Variants in TNRC6A observed in about 807,000 individuals in gnomAD.
TNRC6A encodes the protein trinucleotide repeat-containing gene 6A protein.
TNRC6A carries 44 observed loss-of-function variants against 221.2 expected under a neutral mutation model. The observed-to-expected ratio is 0.20, with a 90% CI of 0.16 to 0.26. The LOEUF (loss-of-function observed/expected upper bound fraction) is 0.26. Ranked by LOEUF, TNRC6A falls within the 10% of genes least tolerant of loss-of-function variation. The pLI is 1.00. For missense variants in TNRC6A, 2,199 were observed against 2,404.4 expected, an observed-to-expected ratio of 0.91 and a Z score of 1.79; for synonymous variants, 847 against 838.5, an observed-to-expected ratio of 1.01 and a Z score of -0.18.
chr16:24,727,859 TAGC>T (rs551494662), upstream of TNRC6A, among the ~76,000 whole-genome samples: 286 of 152,224 alleles, frequency 1.9e-3, no homozygotes, highest in African/African-American at 6.7e-3. Flanking sequence ...TCAGGGATGA[TAGC>T]AGGAAAAGGA....
chr16:24,705,924 T>A (rs746003895), intron 2 of TNRC6A, among the ~76,000 whole-genome samples: 4 of 152,168 alleles, frequency 2.6e-5, no homozygotes, highest in Non-Finnish European at 4.4e-5. Context: ...TATTTGCAGG[T>A]AATATGATTG....
At chr16:24,780,188 A>T (rs781093317) in intron 5 of TNRC6A, among the ~76,000 whole-genome samples, 3 of 152,216 alleles carry the variant, frequency 2.0e-5, no homozygotes, top group Non-Finnish European at 2.9e-5. Flanking sequence ...GAAGACTAAC[A>T]TAGTGAACAC....
chr16:24,616,831 G>C (rs1900379565), intron 1 of TNRC6A, among the ~76,000 whole-genome samples: 1 of 152,134 alleles, frequency 6.6e-6, no homozygotes, highest in Non-Finnish European at 1.5e-5. Context: ...TGAGGCAGGA[G>C]AACCGCTTGA....
intron 2 of TNRC6A, among the ~76,000 whole-genome samples, chr16:24,740,049 C>T (rs1021666209): frequency 2.4e-4 from 36 of 152,176 alleles, no homozygotes; most frequent in Admixed American, 2.4e-3. Context: ...GTTGAAAAGA[C>T]TTTCATCTTG....
At chr16:24,679,434 G>T (rs1462046175) in intron 2 of TNRC6A, among the ~76,000 whole-genome samples, 1 of 152,010 alleles carries the variant, frequency 6.6e-6, no homozygotes. Flanking sequence ...CTACTAAATA[G>T]CTGAGACTAC....
rs2303083 is a variant in TNRC6A at position 24,823,847 on chromosome 16, G to A, written c.*40G>A. On this transcript the variant is annotated 3_prime_UTR_variant, in exon 25 of 25. Coordinates refer to ENST00000395799, the MANE Select transcript of TNRC6A (RefSeq NM_014494.4). This position sits in a 1 kb window ranked among gnomAD's most constrained non-coding sequence, Gnocchi z 4.3. Reference sequence around the variant, plus strand: ...ACTCACCGACCGGGACCTCAGACGCGAGGGAAAGGAGCACTAAGTGGGGCT... The same window carrying A: ...ACTCACCGACCGGGACCTCAGACGCAAGGGAAAGGAGCACTAAGTGGGGCT... 0.18 allele frequency: 240,273 copies of A among 1,365,706 alleles called. 22,452 individuals carry two copies. Among genetic ancestry groups the A allele is most frequent in the Non-Finnish European group, 0.19 (203,744 of 1,054,144 alleles). The allele number at this position is 1,365,706 out of a possible 1,614,324, so 84.6% of individuals were successfully genotyped here.
At chr16:24,704,046 T>C (rs2056041955) in intron 2 of TNRC6A, among the ~76,000 whole-genome samples, 1 of 149,266 alleles carries the variant, frequency 6.7e-6, no homozygotes, top group Non-Finnish European at 1.5e-5. Context: ...TTCACACCAC[T>C]GCACCCAGCC....
In TNRC6A at chr16:24,824,153, T is replaced by C. The variant is rs2058829025; in HGVS notation, c.*346T>C. 2 of 137,448 alleles carry C rather than the reference T, an allele frequency of 1.5e-5. No individual in the cohort carries two copies. The highest frequency in any genetic ancestry group is 3.0e-5 in the African/African-American group (1 of 32,828). The allele number at this position is 137,448 out of a possible 1,614,324, so 8.5% of individuals were successfully genotyped here. On this transcript the variant is annotated 3_prime_UTR_variant, in exon 25 of 25. Transcript: ENST00000395799. ...CCCCCCCCCCGCCCCTTTTTTTCTC[T>C]CTTGCAAAACCATTTTTTGGGCTGA...
At chr16:24,795,960 T>G in intron 9 of TNRC6A, 21 bp downstream of exon 9, 1 of 1,613,208 alleles carries the variant, frequency 6.2e-7, no homozygotes, top group Non-Finnish European at 8.5e-7. Flanking sequence ...TTTTTACTCT[T>G]TCTCCTTTGT....
rs75229466 is a variant in TNRC6A, at chr16:24,769,762, T to G, written c.164-7171T>G. 8.6e-3 allele frequency among the ~76,000 whole-genome samples: 1,305 copies of G among 152,360 alleles called. 22 individuals are homozygous for G. Among genetic ancestry groups the G allele is most frequent in the African/African-American group, 0.03 (1,239 of 41,574 alleles). ...TACTTACTCTTCCTCTTGATCATTC[T>G]TTCTCTTTTCTTTACTGGTTCTTCA... On this transcript the variant is annotated intron_variant, in intron 4 of 24. Coordinates refer to ENST00000395799, the MANE Select transcript of TNRC6A (RefSeq NM_014494.4).
chr16:24,791,936 T>C (rs2058111379), intron 6 of TNRC6A, 119 bp downstream of exon 6: 2 of 1,162,984 alleles, frequency 1.7e-6, no homozygotes, highest in Non-Finnish European at 2.3e-6. Context: ...CAGAAGCAGC[T>C]TGAAAAAAAT....
intron 2 of TNRC6A, among the ~76,000 whole-genome samples, chr16:24,741,479 A>G (rs1050467051): frequency 5.3e-5 from 8 of 152,138 alleles, no homozygotes; most frequent in African/African-American, 1.9e-4. Context: ...GGATAAATCC[A>G]CTTTGTGTAG....
At chr16:24,644,081 ATTTTTTTT>A (rs748251760) in intron 2 of TNRC6A, among the ~76,000 whole-genome samples, 2 of 81,560 alleles carry the variant, frequency 2.5e-5, no homozygotes, top group African/African-American at 5.3e-5. Flanking sequence ...CTTATCTTTA[ATTTTTTTT>A]TTTTTTTTTT....
chr16:24,754,870 G>A (rs1342837197), intron 3 of TNRC6A, among the ~76,000 whole-genome samples: 3 of 152,168 alleles, frequency 2.0e-5, no homozygotes, highest in African/African-American at 7.2e-5. Context: ...TGTGTTAAGA[G>A]CTGAAGGGAT....
intron 2 of TNRC6A, among the ~76,000 whole-genome samples, chr16:24,748,351 T>G (rs1383582998): frequency 6.6e-6 from 1 of 152,182 alleles, no homozygotes; most frequent in Non-Finnish European, 1.5e-5. Context: ...GCTGCTCTCA[T>G]ATGCTGTGGC....
chr16:24,654,589 T>G (rs1902856449), intron 2 of TNRC6A, among the ~76,000 whole-genome samples: 1 of 152,020 alleles, frequency 6.6e-6, no homozygotes, highest in Non-Finnish European at 1.5e-5. Flanking sequence ...GTCTGTGGCA[T>G]GCACCTGTAG....
chr16:24,786,511 T>C (rs530042009), intron 5 of TNRC6A, among the ~76,000 whole-genome samples: 2 of 151,514 alleles, frequency 1.3e-5, no homozygotes, highest in African/African-American at 4.8e-5. Flanking sequence ...AGATGGGCTT[T>C]CTCCGTGTTA....
intron 2 of TNRC6A, among the ~76,000 whole-genome samples, chr16:24,723,691 A>G (rs2056449427): frequency 6.6e-6 from 1 of 152,042 alleles, no homozygotes; most frequent in Non-Finnish European, 1.5e-5. Context: ...TCACACAGGT[A>G]AAAGGGATGT....
intron 1 of TNRC6A, among the ~76,000 whole-genome samples, chr16:24,615,684 G>A (rs1046461215): frequency 1.3e-5 from 2 of 152,210 alleles, no homozygotes; most frequent in Non-Finnish European, 2.9e-5. Flanking sequence ...ATTCTAAAGT[G>A]AGCAGAGGGT....
Sources: allele counts gnomAD v4.1 joint callset (sites outside exome capture counted in the v4.1 genomes callset), GRCh38; gene constraint gnomAD v4.1.1; non-coding constraint Gnocchi (gnomAD v3.1); transcripts MANE v1.5; gene names NCBI Gene and HGNC (gene_info 2026-07-23, HGNC 2026-07-21).